Variants in FASLG observed in about 807,000 individuals in gnomAD.
FASLG encodes tumor necrosis factor ligand superfamily member 6.
FASLG carries 9 observed loss-of-function variants against 24.6 expected under a neutral mutation model. That is an observed-to-expected ratio of 0.37 (90% confidence interval 0.22 to 0.64). The LOEUF (loss-of-function observed/expected upper bound fraction) is 0.64, where lower values mean the gene tolerates loss of function less well. FASLG is among the 30% of genes least tolerant of loss of function. FASLG has a pLI of 0.64. For synonymous variants in FASLG, 130 were observed against 135.5 expected (o/e 0.96, Z 0.28); for missense variants, 306 against 345.3 (o/e 0.89, Z 0.90).
rs1571333112 is a variant in FASLG at position 172,664,959 on chromosome 1, G to A, written c.451+569G>A. Among the ~76,000 whole-genome samples the A allele has an allele frequency of 2.0e-5, 3 of 152,170 alleles. No homozygotes were observed. The East Asian group carries it at 5.8e-4, about 29-fold the overall frequency. ...GGCTATTGTCCCTGGAATTATTTAGGCAGAAATTATAGAATGATCCGGTCA... is the reference window on the plus strand; with the variant it reads ...GGCTATTGTCCCTGGAATTATTTAGACAGAAATTATAGAATGATCCGGTCA... On this transcript the variant is annotated intron_variant, in intron 3 of 3. Coordinates refer to ENST00000367721, the MANE Select transcript of FASLG (RefSeq NM_000639.3).
chr1:172,665,074 A>T (rs1048556429), intron 3 of FASLG, among the ~76,000 whole-genome samples: 18 of 152,196 alleles, frequency 1.2e-4, no homozygotes, highest in Non-Finnish European at 8.8e-5. Flanking sequence ...AGGGAGCTTG[A>T]CATCTAATAG....
chr1:172,664,303 A>C, intron 2 of FASLG, 31 bp from the exon 3 acceptor site: 1 of 1,606,392 alleles, frequency 6.2e-7, no homozygotes, highest in South Asian at 1.1e-5. Flanking sequence ...ATTTCATTTT[A>C]ACATATATTT....
chr1:172,659,749 A>G (rs1191684096), intron 1 of FASLG, among the ~76,000 whole-genome samples, 200 bp downstream of exon 1: 1 of 152,180 alleles, frequency 6.6e-6, no homozygotes, highest in Non-Finnish European at 1.5e-5. Flanking sequence ...GTAAAGAATC[A>G]GAGCCCAACA....
rs372881693 is a variant in FASLG, at chr1:172,659,560, C to G, written c.348+11C>G. 1.2e-6 allele frequency: 2 copies of G among 1,612,924 alleles called. No homozygotes were observed. The highest frequency in any genetic ancestry group is 1.1e-5 in the South Asian group (1 of 90,930). ...GCAGAACTCCGAGAGGTAAGCCTGCCGGCAGACTGCTGTGCCCTGGAGGCA... is the reference window on the plus strand; with the variant it reads ...GCAGAACTCCGAGAGGTAAGCCTGCGGGCAGACTGCTGTGCCCTGGAGGCA... On this transcript the variant is annotated intron_variant, in intron 1 of 3. Coordinates refer to ENST00000367721, the MANE Select transcript of FASLG (RefSeq NM_000639.3).
Position 172,659,163 on chromosome 1 carries a change from A to T in FASLG, c.-39A>T. 1.2e-6 allele frequency: 2 copies of T among 1,613,840 alleles called. No individual in the cohort carries two copies. The highest frequency in any genetic ancestry group is 2.7e-5 in the African/African-American group (2 of 75,062). The stretch of plus-strand genomic sequence containing the variant: ...AGCCTCTACAGGACTGAGAAGAAGT[A>T]AAACCGTTTGCTGGGGCTGGCCTGA... On this transcript the variant is annotated 5_prime_UTR_variant, in exon 1 of 4. Transcript: ENST00000367721.
In FASLG at chr1:172,660,583, A is replaced by T. The variant is rs1361420017; in HGVS notation, c.394+443A>T. 3.9e-5 allele frequency among the ~76,000 whole-genome samples: 6 copies of T among 152,240 alleles called. No individual in the cohort carries two copies. The South Asian group carries it at 1.0e-3, about 26-fold the overall frequency. On this transcript the variant is annotated intron_variant, in intron 2 of 3. Coordinates refer to ENST00000367721, the MANE Select transcript of FASLG (RefSeq NM_000639.3). ...CTCTTTTAAATGCCCTAAAGAGATT[A>T]CATTGAAGCTTTATTTACAATATGT...
intron 1 of FASLG, among the ~76,000 whole-genome samples, chr1:172,659,880 T>C (rs926117702): frequency 1.3e-5 from 2 of 152,182 alleles, no homozygotes; most frequent in East Asian, 3.9e-4. Context: ...AGTAAATTTG[T>C]TCAGATGACC....
intron 2 of FASLG, 48 bp from the exon 3 acceptor site, chr1:172,664,286 A>T: frequency 1.3e-6 from 2 of 1,570,334 alleles, no homozygotes; most frequent in Admixed American, 1.7e-5. Flanking sequence ...CCAAAATAAT[A>T]GTTGCTATTT....
rs771262843 is a variant in FASLG, at chr1:172,665,722, T to C, written c.552T>C (p.Asn184=). The C allele has an allele frequency of 2.5e-6, 4 of 1,614,058 alleles. No individual in the cohort carries two copies. The highest frequency in any genetic ancestry group is 2.5e-6 in the Non-Finnish European group (3 of 1,180,026). ...ATAAGAAGGGTGGCCTTGTGATCAA[T>C]GAAACTGGGCTGTACTTTGTATATT... The part of the protein sequence containing the change: ...VKYKKGGLVI[N]ETGLYFVYSK... Residue 184 remains asparagine (N), a synonymous_variant, in exon 4 of 4, where the codon AAT becomes AAC. Coordinates refer to ENST00000367721, the MANE Select transcript of FASLG (RefSeq NM_000639.3).
chr1:172,664,323 C>T lies in FASLG; in HGVS notation c.395-11C>T. 1 of 1,613,658 alleles carries T rather than the reference C, an allele frequency of 6.2e-7. No homozygotes were observed. On this transcript the variant is annotated splice_polypyrimidine_tract_variant and intron_variant, in intron 2 of 3. Transcript: ENST00000367721. ...ATTTTAACATATATTTTTCCTCTCT[C>T]TATGATACAGGCCACCCCAGTCCAC...
chr1:172,663,927 T>A (rs1659194607), intron 2 of FASLG, among the ~76,000 whole-genome samples: 1 of 152,174 alleles, frequency 6.6e-6, no homozygotes, highest in African/African-American at 2.4e-5. Context: ...CCATCTGTGA[T>A]GCTGACTAGC....
intron 3 of FASLG, among the ~76,000 whole-genome samples, chr1:172,664,872 T>C (rs953294487): frequency 6.6e-6 from 1 of 152,220 alleles, no homozygotes; most frequent in Admixed American, 6.5e-5. Context: ...TGAAATGATA[T>C]GGTATGGGCA....
rs1413244355 is a variant in FASLG, at chr1:172,665,999, G to A, written c.829G>A (p.Gly277Ser). Residue 277 changes from glycine (G) to serine (S), a missense_variant, in exon 4 of 4, where the codon GGC becomes AGC. Gly to Ser is a moderately conservative substitution (Grantham distance 56). Coordinates refer to ENST00000367721, the MANE Select transcript of FASLG (RefSeq NM_000639.3). ...TTTTGAGGAATCTCAGACGTTTTTC[G>A]GCTTATATAAGCTCTAAGAGAAGCA... ...VNFEESQTFF[G>S]LYKL 3 of 1,613,626 alleles carry A rather than the reference G, an allele frequency of 1.9e-6. No individual in the cohort carries two copies. The highest frequency in any genetic ancestry group is 1.3e-5 in the African/African-American group (1 of 74,772).
chr1:172,664,910 G>A (rs1464976602), intron 3 of FASLG, among the ~76,000 whole-genome samples: 1 of 152,186 alleles, frequency 6.6e-6, no homozygotes, highest in Non-Finnish European at 1.5e-5. Context: ...ATAAATAATG[G>A]AATAAATATC....
chr1:172,666,727 C>T lies in FASLG; in HGVS notation c.*711C>T, dbSNP rs896402352. Reference sequence around the variant, plus strand: ...TTGCATTTGGTCAAGATTTTGAATGCTTCCTGACAATCAACTCTAATAGTG... The same window carrying T: ...TTGCATTTGGTCAAGATTTTGAATGTTTCCTGACAATCAACTCTAATAGTG... On this transcript the variant is annotated 3_prime_UTR_variant, in exon 4 of 4. Transcript: ENST00000367721. 2 of 152,434 alleles carry T rather than the reference C, an allele frequency of 1.3e-5. No homozygotes were observed. The highest frequency in any genetic ancestry group is 4.8e-5 in the African/African-American group (2 of 41,308). 9.4% of individuals were successfully genotyped at this position (152,434 alleles called of 1,614,324 possible).
At position 172,659,467 on chromosome 1, in the gene FASLG, T is replaced by C; in HGVS notation, c.266T>C (p.Met89Thr). The C allele has an allele frequency of 6.2e-7, 1 of 1,614,064 alleles. No homozygotes were observed. The highest frequency in any genetic ancestry group is 1.1e-5 in the South Asian group (1 of 91,048). ...CTGTGTCTCCTTGTGATGTTTTTCA[T>C]GGTTCTGGTTGCCTTGGTAGGATTG... Reference protein sequence around the residue: ...TGLCLLVMFFMVLVALVGLGL... With the variant: ...TGLCLLVMFFTVLVALVGLGL... Residue 89 changes from methionine (M) to threonine (T), a missense_variant, in exon 1 of 4, where the codon ATG becomes ACG. By Grantham distance (81) the Met-to-Thr change is moderately conservative. Coordinates refer to ENST00000367721, the MANE Select transcript of FASLG (RefSeq NM_000639.3).
intron 2 of FASLG, 59 bp from the exon 3 acceptor site, chr1:172,664,275 A>G (rs1255158896): frequency 6.4e-7 from 1 of 1,556,154 alleles, no homozygotes; most frequent in Non-Finnish European, 8.8e-7. Context: ...TTAAATTCCC[A>G]CCAAAATAAT....
intron 3 of FASLG, among the ~76,000 whole-genome samples, chr1:172,665,277 T>G (rs961055356): frequency 6.6e-6 from 1 of 152,248 alleles, no homozygotes; most frequent in Non-Finnish European, 1.5e-5. Context: ...TCCTTGGATT[T>G]GGCTTTTTCC....
chr1:172,665,593 G>A (rs774128372), intron 3 of FASLG, 29 bp from the exon 4 acceptor site: 6 of 1,607,204 alleles, frequency 3.7e-6, no homozygotes, highest in Non-Finnish European at 5.1e-6. Context: ...ACTATTCCTT[G>A]TTGAAAGCTC....
Sources: gnomAD v4.1 joint callset for allele counts (sites outside exome capture counted in the v4.1 genomes callset) on GRCh38, gnomAD v4.1.1 for gene constraint, MANE v1.5 for transcripts, NCBI Gene and HGNC (gene_info 2026-07-23, HGNC 2026-07-21) for gene names.